MGAT5: variants seen among roughly 807,000 people sequenced by gnomAD.
MGAT5 encodes alpha-1,6-mannosylglycoprotein 6-beta-N-acetylglucosaminyltransferase A.
In MGAT5, 30 loss-of-function variants were observed where a neutral mutation model predicts 94.3. The observed-to-expected ratio is 0.32, with a 90% CI of 0.24 to 0.43. MGAT5 has a LOEUF of 0.43. MGAT5 is among the 20% of genes least tolerant of loss of function. The pLI is 1.00. For synonymous variants in MGAT5, 310 were observed against 322.9 expected (o/e 0.96, Z 0.43); for missense variants, 691 against 905.5 (o/e 0.76, Z 3.04).
chr2:134,256,683 G>T (rs1424750798), intron 1 of MGAT5, among the ~76,000 whole-genome samples: 3 of 152,166 alleles, frequency 2.0e-5, no homozygotes, highest in African/African-American at 7.2e-5. Flanking sequence ...CACCTTATAT[G>T]CCTGTAATCA....
intron 1 of MGAT5, among the ~76,000 whole-genome samples, chr2:134,152,899 CTTTTTTTTTT>C (rs35135371): frequency 1.7e-5 from 2 of 117,292 alleles, no homozygotes; most frequent in East Asian, 2.5e-4. Flanking sequence ...ATGGAGTCCA[CTTTTTTTTTT>C]TTTTTTTTTT....
chr2:134,244,693 C>T lies in MGAT5; in HGVS notation c.-142-9569C>T, dbSNP rs147956494. 2.3e-3 allele frequency among the ~76,000 whole-genome samples: 356 copies of T among 152,272 alleles called. 1 individual carries two copies. Among genetic ancestry groups the T allele is most frequent in the African/African-American group, 7.2e-3 (298 of 41,538 alleles). On this transcript the variant is annotated intron_variant, in intron 1 of 16. Coordinates refer to the MGAT5 transcript ENST00000409645. ...CTGCATTCTAGTTACATGGGCAGAA[C>T]CTGTCTGAGCATCTTCCAGTGGGTG...
Position 134,317,695 on chromosome 2 carries a change from G to GT in MGAT5, c.483+91dup. 4.8e-6 allele frequency: 4 copies of GT among 829,214 alleles called. No homozygotes were observed. The South Asian group carries it at 8.6e-5, about 18-fold the overall frequency. 51.4% of individuals were successfully genotyped at this position (829,214 alleles called of 1,614,324 possible). A position where few individuals can be genotyped will look rare whatever the true frequency, so the allele number is the denominator to read the frequency against. The stretch of plus-strand genomic sequence containing the variant: ...TTTTCCTCCTCAGTGACACAAATGG[G>GT]TGAGTGAGCCCTTGACATGGATCAT... On this transcript the variant is annotated intron_variant, in intron 3 of 15. Coordinates refer to ENST00000281923, the MANE Select transcript of MGAT5 (RefSeq NM_002410.5).
chr2:134,344,838 G>A (rs988752258), intron 7 of MGAT5, 92 bp from the exon 8 acceptor site: 10 of 1,461,272 alleles, frequency 6.8e-6, no homozygotes, highest in African/African-American at 1.4e-5. Flanking sequence ...GATTTTTGGG[G>A]TGGCATTTGC....
At position 134,237,123 on chromosome 2, in the gene MGAT5, A is replaced by ATGTGTGTG. The variant is rs68003122; in HGVS notation, c.-142-17120_-142-17113dup. ...TAGGTAGGTTATGTAGAAGGAGTAT[A>ATGTGTGTG]TGTGTGTGTGTGTGTGTGTGTGTGT... On this transcript the variant is annotated intron_variant, in intron 1 of 16. Coordinates refer to the MGAT5 transcript ENST00000409645. Among the ~76,000 whole-genome samples the ATGTGTGTG allele has an allele frequency of 5.2e-3, 736 of 140,682 alleles. 5 individuals carry two copies. Among genetic ancestry groups the ATGTGTGTG allele is most frequent in the African/African-American group, 0.014 (530 of 38,968 alleles). The allele number at this position is 140,682 out of a possible 152,430, so 92.3% of individuals were successfully genotyped here.
chr2:134,376,957 A>G (rs1227382038), intron 10 of MGAT5, among the ~76,000 whole-genome samples: 2 of 152,048 alleles, frequency 1.3e-5, no homozygotes, highest in African/African-American at 4.8e-5. Context: ...AGATCCTTTC[A>G]CCTACCTAAA....
chr2:134,267,542 A>G (rs1683792052), intron 1 of MGAT5, among the ~76,000 whole-genome samples: 1 of 151,070 alleles, frequency 6.6e-6, no homozygotes, highest in Non-Finnish European at 1.5e-5. Flanking sequence ...ACAGAAGGTC[A>G]ATCTTTGGCA....
chr2:134,256,418 A>G (rs1682965977), intron 1 of MGAT5, among the ~76,000 whole-genome samples: 1 of 150,228 alleles, frequency 6.7e-6, no homozygotes, highest in African/African-American at 2.5e-5. Flanking sequence ...CTCAGTGGTA[A>G]TTTTCTCTTG....
intron 1 of MGAT5, among the ~76,000 whole-genome samples, chr2:134,191,420 G>A (rs1343550142): frequency 1.3e-5 from 2 of 152,342 alleles, no homozygotes; most frequent in Non-Finnish European, 2.9e-5. Flanking sequence ...TCGCGGGAGC[G>A]CGTTCCTGAT....
intron 10 of MGAT5, among the ~76,000 whole-genome samples, chr2:134,373,888 G>T (rs925262474): frequency 6.6e-6 from 1 of 152,224 alleles, no homozygotes; most frequent in African/African-American, 2.4e-5. Flanking sequence ...CCCTGAGGTT[G>T]CTCCAGCTTC....
intron 2 of MGAT5, among the ~76,000 whole-genome samples, chr2:134,311,781 G>A (rs1181963814): frequency 2.6e-5 from 4 of 152,194 alleles, no homozygotes; most frequent in Admixed American, 2.0e-4. Context: ...AATGTTTTAT[G>A]ATGCCGCGTA....
chr2:134,344,641 G>A (rs1381248411), intron 7 of MGAT5, among the ~76,000 whole-genome samples: 8 of 152,122 alleles, frequency 5.3e-5, no homozygotes, highest in African/African-American at 1.7e-4. Context: ...CTTGTTTAAG[G>A]TCTCACAGCT....
chr2:134,148,836 G>A (rs760900724), intron 1 of MGAT5, among the ~76,000 whole-genome samples: 13 of 137,964 alleles, frequency 9.4e-5, no homozygotes, highest in South Asian at 2.4e-4. Context: ...TCGGCTCACC[G>A]CAACCTCTGC....
At position 134,349,775 on chromosome 2, in the gene MGAT5, A is replaced by G. The variant is rs962214269; in HGVS notation, c.1113-30A>G. The G allele has an allele frequency of 2.5e-6, 4 of 1,611,060 alleles. No homozygotes were observed. The African/African-American group carries it at 5.3e-5, about 22-fold the overall frequency. ...TTTTCAACTTTGGGGGCAAGTATGT[A>G]GTGTTCAACACATTGCTTTTTTCTT... On this transcript the variant is annotated intron_variant, in intron 8 of 15. Transcript: ENST00000281923.
chr2:134,313,037 AACAC>A (rs201311442), intron 2 of MGAT5, among the ~76,000 whole-genome samples: 3,179 of 139,196 alleles, frequency 0.023, 78 homozygotes, highest in Admixed American at 0.06. Flanking sequence ...GCAAGAAATA[AACAC>A]ACACACACAC....
At chr2:134,273,869 G>A (rs1684184564) in intron 2 of MGAT5, among the ~76,000 whole-genome samples, 1 of 152,138 alleles carries the variant, frequency 6.6e-6, no homozygotes, top group African/African-American at 2.4e-5. Flanking sequence ...TCAAAGGAAT[G>A]AAAAAGCAGA....
intron 12 of MGAT5, among the ~76,000 whole-genome samples, chr2:134,422,575 C>T (rs371462454): frequency 1.2e-3 from 177 of 152,252 alleles, no homozygotes; most frequent in African/African-American, 4.1e-3. Flanking sequence ...GTAGCAGCTT[C>T]CTTGTCACCT....
At position 134,191,332 on chromosome 2, in the gene MGAT5, C is replaced by T. The variant is rs1689364422; in HGVS notation, c.-142-62930C>T. Among the ~76,000 whole-genome samples, 6 of 152,352 alleles carry T rather than the reference C, an allele frequency of 3.9e-5. No homozygotes were observed. The South Asian group carries it at 1.2e-3, about 32-fold the overall frequency. On this transcript the variant is annotated intron_variant, in intron 1 of 16. Transcript: ENST00000409645. ...GTGCAATACTGTTTACAGGTGAGAA[C>T]TTTAAGAGGTGATTAAGTCATGCAG...
intron 4 of MGAT5, among the ~76,000 whole-genome samples, chr2:134,334,618 A>C (rs1365360320): frequency 6.9e-6 from 1 of 145,824 alleles, no homozygotes; most frequent in East Asian, 2.1e-4. Flanking sequence ...TATTGAGTCC[A>C]TTAGCACAAA....
Sources: gnomAD v4.1 joint callset for allele counts (sites outside exome capture counted in the v4.1 genomes callset) on GRCh38, gnomAD v4.1.1 for gene constraint, MANE v1.5 for transcripts, NCBI Gene and HGNC (gene_info 2026-07-23, HGNC 2026-07-21) for gene names.